The following CYP4F2 variants were observed in gnomAD, a reference collection of about 807,000 sequenced individuals.
The protein encoded by CYP4F2 is cytochrome P450 4F2.
A neutral mutation model predicts 58.9 loss-of-function variants in CYP4F2; 58 were observed. That is an observed-to-expected ratio of 0.98 (90% CI 0.80 to 1.23). The LOEUF (loss-of-function observed/expected upper bound fraction) is 1.23, where lower values mean the gene tolerates loss of function less well. CYP4F2 is among the 50% of genes most tolerant of loss of function. The pLI is 0.00. For synonymous variants in CYP4F2, 287 were observed against 261.1 expected (o/e 1.10, Z -0.95); for missense variants, 616 against 685.6 (o/e 0.90, Z 1.13).
intron 2 of CYP4F2, 116 bp downstream of exon 2, chr19:15,897,298 T>C: frequency 9.3e-7 from 1 of 1,078,344 alleles, no homozygotes; most frequent in Non-Finnish European, 1.4e-6. Flanking sequence ...ATGCCTCCTC[T>C]GCTTCTCTGC....
At chr19:15,897,151 G>A (rs1599358820) in intron 2 of CYP4F2, among the ~76,000 whole-genome samples, 1 of 152,174 alleles carries the variant, frequency 6.6e-6, no homozygotes, top group East Asian at 1.9e-4. Flanking sequence ...CTCTGCCCAG[G>A]AGCCCCGCAG....
In CYP4F2 at chr19:15,879,845, G is replaced by A. The variant is rs147843708; in HGVS notation, c.1168C>T (p.Arg390Trp). Residue 390 changes from arginine to tryptophan, a missense_variant, in exon 10 of 13, where the codon CGG becomes TGG. Arg to Trp is a moderately radical substitution (Grantham distance 101). Transcript: ENST00000221700. Reference protein sequence around the residue: ...FLTMCMKESLRLHPPVPVISR... With the variant: ...FLTMCMKESLWLHPPVPVISR... Reference sequence around the variant, plus strand: ...ATGACCGGGACTGGGGGATGCAGCCGCAGGCTCTCCTTCATGCACATGGTC... The same window carrying A: ...ATGACCGGGACTGGGGGATGCAGCCACAGGCTCTCCTTCATGCACATGGTC... 11 of 1,614,122 alleles carry A rather than the reference G, an allele frequency of 6.8e-6. No homozygotes were observed. The highest frequency in any genetic ancestry group is 4.4e-5 in the South Asian group (4 of 91,084).
rs747610492 is a variant in CYP4F2 at position 15,890,356 on chromosome 19, G to C, written c.603C>G (p.Asp201Glu). The C allele has an allele frequency of 6.2e-7, 1 of 1,614,152 alleles. No individual in the cohort carries two copies. The highest frequency in any genetic ancestry group is 8.5e-7 in the Non-Finnish European group (1 of 1,180,026). Reference protein sequence around the residue: ...MFEHISLMTLDSLQKCVFSFD... With the variant: ...MFEHISLMTLESLQKCVFSFD... ...AGCTGAAGACACATTTCTGTAGACT[G>C]TCCAAGGTCATGAGGCTGATGTGCT... The change falls in exon 6 of 13, where the codon GAC becomes GAG. Residue 201 changes from aspartate to glutamate, a missense_variant. Coordinates refer to ENST00000221700, the MANE Select transcript of CYP4F2 (RefSeq NM_001082.5).
rs376173329 is a variant in CYP4F2, at chr19:15,879,454, T to C, written c.1315-26A>G. On this transcript the variant is annotated intron_variant, in intron 11 of 12. Transcript: ENST00000221700. ...CTGGAGGTGAGACCAAGAAGGGTTGTTGGGTGGGGTCTCCCAGTCCGCCAG... is the reference window on the plus strand; with the variant it reads ...CTGGAGGTGAGACCAAGAAGGGTTGCTGGGTGGGGTCTCCCAGTCCGCCAG... The C allele has an allele frequency of 1.5e-3, 2,343 of 1,613,584 alleles. 4 individuals carry two copies. Among genetic ancestry groups the C allele is most frequent in the Admixed American group, 3.3e-3 (198 of 59,980 alleles).
chr19:15,880,894 A>G (rs2089340637), intron 9 of CYP4F2, among the ~76,000 whole-genome samples: 1 of 152,238 alleles, frequency 6.6e-6, no homozygotes, highest in African/African-American at 2.4e-5. Context: ...GCTAATAGGA[A>G]AGGATTTGCA....
At chr19:15,885,074 TCCTGAC>T (rs528981234) in intron 9 of CYP4F2, among the ~76,000 whole-genome samples, 154 of 152,016 alleles carry the variant, frequency 1.0e-3, no homozygotes, top group African/African-American at 3.2e-3. Context: ...CTCCTTTCTG[TCCTGAC>T]CCTGCTCTCT....
intron 2 of CYP4F2, among the ~76,000 whole-genome samples, chr19:15,896,568 A>G (rs1389733942): frequency 6.6e-6 from 1 of 152,156 alleles, no homozygotes; most frequent in Non-Finnish European, 1.5e-5. Context: ...GCTGATCCAC[A>G]GAGGCTCCAG....
chr19:15,891,465 A>T (rs957130675), intron 5 of CYP4F2, among the ~76,000 whole-genome samples: 1 of 136,150 alleles, frequency 7.3e-6, no homozygotes, highest in Admixed American at 7.2e-5. Flanking sequence ...TTTGCAAGTT[A>T]AAAAAAAAAT....
At position 15,889,589 on chromosome 19, in the gene CYP4F2, G is replaced by A. The variant is rs751477625; in HGVS notation, c.752C>T (p.Pro251Leu). The change falls in exon 7 of 13, where the codon CCT becomes CTT. Residue 251 changes from proline (P) to leucine (L), a missense_variant. By Grantham distance (98) the Pro-to-Leu change is moderately conservative. Transcript: ENST00000221700. ...GGCCCTGCGGAAACGCTGCCCATCAGGGGTGAGATAATACAGGAAGTCAAT... is the reference window on the plus strand; with the variant it reads ...GGCCCTGCGGAAACGCTGCCCATCAAGGGTGAGATAATACAGGAAGTCAAT... ...LHIDFLYYLT[P>L]DGQRFRRACR... The A allele has an allele frequency of 1.9e-6, 3 of 1,614,200 alleles. No individual in the cohort carries two copies. The highest frequency in any genetic ancestry group is 4.5e-5 in the East Asian group (2 of 44,876).
intron 9 of CYP4F2, among the ~76,000 whole-genome samples, chr19:15,883,920 A>G (rs3093184): frequency 0.71 from 107,668 of 152,032 alleles, 38,421 homozygotes; most frequent in African/African-American, 0.74. Context: ...TTAGCCAGGC[A>G]TGGTGGTGTG....
At chr19:15,888,214 T>C (rs964596155) in intron 7 of CYP4F2, among the ~76,000 whole-genome samples, 3 of 117,270 alleles carry the variant, frequency 2.6e-5, no homozygotes, top group African/African-American at 6.6e-5. Flanking sequence ...ATAGACAAAG[T>C]CACAGACTTA....
At chr19:15,885,547 C>T (rs1026095394) in intron 9 of CYP4F2, among the ~76,000 whole-genome samples, 3 of 152,124 alleles carry the variant, frequency 2.0e-5, no homozygotes, top group African/African-American at 4.8e-5. Context: ...AAACCCTGGA[C>T]TCGACTGGAG....
rs1385147671 is a variant in CYP4F2 at position 15,890,252 on chromosome 19, C to T, written c.647+60G>A. 4 of 1,612,184 alleles carry T rather than the reference C, an allele frequency of 2.5e-6. No individual in the cohort carries two copies. The African/African-American group carries it at 4.0e-5, about 16-fold the overall frequency. ...CTGGTTTCCCTGCTTAGTCCTCCCTCTCCCACCTACCCACTTTGGGTCCAC... is the reference window on the plus strand; with the variant it reads ...CTGGTTTCCCTGCTTAGTCCTCCCTTTCCCACCTACCCACTTTGGGTCCAC... On this transcript the variant is annotated intron_variant, in intron 6 of 12. Transcript: ENST00000221700.
At chr19:15,885,815 C>A in intron 9 of CYP4F2, 109 bp downstream of exon 9, 2 of 1,486,108 alleles carry the variant, frequency 1.3e-6, no homozygotes, top group South Asian at 2.6e-5. Flanking sequence ...CCTATTCCCA[C>A]TAGGCAATAG....
chr19:15,881,515 T>C (rs772970372), intron 9 of CYP4F2, among the ~76,000 whole-genome samples: 3 of 151,714 alleles, frequency 2.0e-5, no homozygotes, highest in South Asian at 2.1e-4. Context: ...CAGAGATACA[T>C]AGATGATATA....
chr19:15,879,080 G>A (rs1353123088), intron 12 of CYP4F2, 144 bp from the exon 13 acceptor site: 93 of 1,367,002 alleles, frequency 6.8e-5, no homozygotes, highest in Non-Finnish European at 9.0e-5. Flanking sequence ...GGATCCCCAT[G>A]CGGGCTTGCA....
intron 2 of CYP4F2, 45 bp downstream of exon 2, chr19:15,897,369 G>A (rs747397659): frequency 7.1e-7 from 1 of 1,411,802 alleles, no homozygotes; most frequent in South Asian, 1.1e-5. Context: ...CCCTCAGGAA[G>A]TCCATCCATC....
chr19:15,888,001 C>T (rs141934529), intron 7 of CYP4F2, among the ~76,000 whole-genome samples: 1,978 of 137,540 alleles, frequency 0.014, 56 homozygotes, highest in African/African-American at 0.052. Context: ...CACAAATACA[C>T]GTAAACATAG....
At position 15,878,518 on chromosome 19, in the gene CYP4F2, C is replaced by T. The variant is rs961342148; in HGVS notation, c.*253G>A. 1.6e-6 allele frequency: 1 copy of T among 622,806 alleles called. No individual in the cohort carries two copies. Among genetic ancestry groups the T allele is most frequent in the African/African-American group, 1.8e-5 (1 of 54,336 alleles). The allele number at this position is 622,806 out of a possible 1,614,324, so 38.6% of individuals were successfully genotyped here. A position where few individuals can be genotyped will look rare whatever the true frequency, so the allele number is the denominator to read the frequency against. ...TGTAATACTCCATTGTATGGATGGA[C>T]CACATTTTGTTTATCCTTTCATCTG... On this transcript the variant is annotated 3_prime_UTR_variant, in exon 13 of 13. Coordinates refer to ENST00000221700, the MANE Select transcript of CYP4F2 (RefSeq NM_001082.5).
Sources: gnomAD v4.1 joint callset for allele counts (sites outside exome capture counted in the v4.1 genomes callset) on GRCh38, gnomAD v4.1.1 for gene constraint, MANE v1.5 for transcripts, NCBI Gene and HGNC (gene_info 2026-07-23, HGNC 2026-07-21) for gene names.